Variants in DACH2 observed in about 807,000 individuals in gnomAD.
DACH2 encodes dachshund homolog 2.
In DACH2, 17 loss-of-function variants were observed where a neutral mutation model predicts 35.8. The observed-to-expected ratio is 0.48, with a 90% CI of 0.33 to 0.71. DACH2 has a LOEUF of 0.71. Among genes scored for constraint, DACH2 ranks in the 30% least tolerant of loss-of-function variants. The pLI, the probability that DACH2 is intolerant of heterozygous loss-of-function variation, is 0.02. For missense variants in DACH2, 469 were observed against 472.7 expected, an observed-to-expected ratio of 0.99 and a Z score of 0.07; for synonymous variants, 195 against 177.3, an observed-to-expected ratio of 1.10 and a Z score of -0.79.
At chrX:86,226,409 A>G (rs1288539531) in intron 1 of DACH2, among the ~76,000 whole-genome samples, 1 of 111,383 alleles carries the variant, frequency 9.0e-6, no homozygotes, top group African/African-American at 3.3e-5. Flanking sequence ...GCTGAAAAAA[A>G]AAGTGTCATA....
chrX:86,691,534 C>T (rs1602793667), intron 4 of DACH2, among the ~76,000 whole-genome samples: 2 of 111,153 alleles, frequency 1.8e-5, no homozygotes, highest in African/African-American at 6.5e-5. Context: ...TAAATAAATC[C>T]GGCCTAGAGT....
At chrX:86,633,794 A>G (rs1042283897) in intron 3 of DACH2, among the ~76,000 whole-genome samples, 21 of 112,378 alleles carry the variant, frequency 1.9e-4, no homozygotes, top group African/African-American at 6.8e-4. Context: ...TGGTTTTTAC[A>G]CAAGAGATGG....
chrX:86,446,945 C>T (rs2037294522), intron 2 of DACH2, among the ~76,000 whole-genome samples: 1 of 86,214 alleles, frequency 1.2e-5, no homozygotes, highest in Admixed American at 1.4e-4. Flanking sequence ...TCCGCATCCT[C>T]TCCAGCACCT....
intron 2 of DACH2, among the ~76,000 whole-genome samples, chrX:86,435,955 T>A (rs2148177055): frequency 8.9e-6 from 1 of 111,918 alleles, no homozygotes; most frequent in Non-Finnish European, 1.9e-5. Flanking sequence ...TTTGTGAATA[T>A]CTTTATTTCA....
At chrX:86,556,764 A>G (rs1489329836) in intron 3 of DACH2, among the ~76,000 whole-genome samples, 1 of 10,495 alleles carries the variant, frequency 9.5e-5, no homozygotes, top group African/African-American at 3.0e-4. Context: ...ATGTATATAT[A>G]TATATATATA....
At chrX:86,685,254 A>G (rs2040928590) in intron 4 of DACH2, among the ~76,000 whole-genome samples, 1 of 111,833 alleles carries the variant, frequency 8.9e-6, no homozygotes, top group African/African-American at 3.2e-5. Flanking sequence ...AATAAATAAA[A>G]GTCTAGGGCT....
chrX:86,213,977 C>T (rs2032509714), intron 1 of DACH2, among the ~76,000 whole-genome samples: 1 of 111,029 alleles, frequency 9.0e-6, no homozygotes, highest in African/African-American at 3.3e-5. Flanking sequence ...TCAGGGTTCT[C>T]ATTCATACTT....
At chrX:86,248,543 G>T (rs1469034004) in intron 1 of DACH2, among the ~76,000 whole-genome samples, 1 of 111,215 alleles carries the variant, frequency 9.0e-6, no homozygotes, top group African/African-American at 3.3e-5. Flanking sequence ...AGTAATCAGA[G>T]ATGACACACA....
chrX:86,453,117 T>C (rs1485164597), intron 2 of DACH2, among the ~76,000 whole-genome samples: 1 of 111,677 alleles, frequency 9.0e-6, no homozygotes, highest in African/African-American at 3.3e-5. Context: ...TTCCATGTAT[T>C]TGTGTGGTTT....
At chrX:86,169,429 T>C (rs937570369) in intron 1 of DACH2, among the ~76,000 whole-genome samples, 2 of 111,581 alleles carry the variant, frequency 1.8e-5, no homozygotes, top group Non-Finnish European at 3.8e-5. Flanking sequence ...TATTGATATC[T>C]TTCTCTAGGT....
chrX:86,773,912 A>G (rs1414754337), intron 7 of DACH2, among the ~76,000 whole-genome samples: 1 of 111,995 alleles, frequency 8.9e-6, no homozygotes, highest in African/African-American at 3.2e-5. Context: ...GCATTTACAA[A>G]CTAATGATTT....
At chrX:86,404,506 C>A (rs2036491174) in intron 2 of DACH2, among the ~76,000 whole-genome samples, 1 of 112,378 alleles carries the variant, frequency 8.9e-6, no homozygotes, top group African/African-American at 3.2e-5. Flanking sequence ...CTGGACTCCA[C>A]TCCATGTCTC....
intron 2 of DACH2, among the ~76,000 whole-genome samples, chrX:86,460,980 C>G (rs1474256590): frequency 9.0e-6 from 1 of 111,393 alleles, no homozygotes; most frequent in East Asian, 2.8e-4. Flanking sequence ...GAGACTGACT[C>G]TTTACAAGTC....
At chrX:86,553,643 A>T (rs184176473) in intron 3 of DACH2, among the ~76,000 whole-genome samples, 1 of 112,064 alleles carries the variant, frequency 8.9e-6, no homozygotes, top group Non-Finnish European at 1.9e-5. Context: ...TGGTAAGTAG[A>T]TGAGTTTAGA....
At chrX:86,178,353 TTA>T (rs367909627) in intron 1 of DACH2, among the ~76,000 whole-genome samples, 5 of 111,400 alleles carry the variant, frequency 4.5e-5, no homozygotes, top group African/African-American at 1.6e-4. Flanking sequence ...TTTAAAGTGT[TTA>T]TGTTTTCTCT....
At chrX:86,422,419 GA>G (rs2036819728) in intron 2 of DACH2, among the ~76,000 whole-genome samples, 2 of 110,530 alleles carry the variant, frequency 1.8e-5, no homozygotes, top group African/African-American at 3.3e-5. Context: ...GCCAATTTTG[GA>G]ACCTTTTGTG....
intron 7 of DACH2, among the ~76,000 whole-genome samples, chrX:86,756,731 C>G (rs12687284): frequency 0.16 from 17,569 of 110,025 alleles, 1,216 homozygotes; most frequent in South Asian, 0.42. Flanking sequence ...TTATTTCTTT[C>G]TTTTATGTAA....
At chrX:86,700,850 A>G (rs2148449361) in intron 5 of DACH2, among the ~76,000 whole-genome samples, 1 of 111,958 alleles carries the variant, frequency 8.9e-6, no homozygotes, top group East Asian at 2.8e-4. Context: ...AAATTGAAGC[A>G]GTAATAAAAA....
chrX:86,521,835 G>C (rs2148278296), intron 3 of DACH2, among the ~76,000 whole-genome samples: 1 of 111,337 alleles, frequency 9.0e-6, no homozygotes, highest in South Asian at 3.7e-4. Flanking sequence ...TTAAATTGTT[G>C]GTCTTTTTTC....
Sources: allele counts gnomAD v4.1 joint callset (sites outside exome capture counted in the v4.1 genomes callset), GRCh38; gene constraint gnomAD v4.1.1; transcripts MANE v1.5; gene names NCBI Gene and HGNC (gene_info 2026-07-23, HGNC 2026-07-21).